Variants in EIF2AK1 observed in about 807,000 individuals in gnomAD.
The protein encoded by EIF2AK1 is eukaryotic translation initiation factor 2-alpha kinase 1.
A neutral mutation model predicts 77.9 loss-of-function variants in EIF2AK1; 54 were observed. The observed-to-expected ratio is 0.69, with a 90% CI of 0.56 to 0.87. The LOEUF (loss-of-function observed/expected upper bound fraction) is 0.87. Ranked by LOEUF, EIF2AK1 falls within the 40% of genes least tolerant of loss-of-function variation. The pLI is 0.00. For missense variants in EIF2AK1, 810 were observed against 768.6 expected (o/e 1.05, Z -0.64); for synonymous variants, 314 against 290.5 (o/e 1.08, Z -0.82).
intron 9 of EIF2AK1, 95 bp downstream of exon 9, chr7:6,040,785 TGAACGCAGGGCA>T (rs1788273559): frequency 1.1e-6 from 1 of 941,226 alleles, no homozygotes; most frequent in Non-Finnish European, 1.6e-6. Context: ...TACAAGAGAC[TGAACGCAGGGCA>T]GAAGCGCCAG....
chr7:6,027,051 G>C lies in EIF2AK1; in HGVS notation c.1531-90C>G. 1 of 1,068,158 alleles carries C rather than the reference G, an allele frequency of 9.4e-7. No individual in the cohort carries two copies. Among genetic ancestry groups the C allele is most frequent in the Non-Finnish European group, 1.4e-6 (1 of 707,980 alleles). 66.2% of individuals were successfully genotyped at this position (1,068,158 alleles called of 1,614,324 possible). A position where few individuals can be genotyped will look rare whatever the true frequency, so the allele number is the denominator to read the frequency against. The stretch of plus-strand genomic sequence containing the variant: ...CGTGTTCCACCCTCCAAACAGGAGA[G>C]GGTTTCTAAGAATGAGGATATACGG... On this transcript the variant is annotated intron_variant, in intron 13 of 14. Transcript: ENST00000199389. The surrounding 1 kb of genome is among the most constrained non-coding windows in gnomAD (Gnocchi z 4.5).
At position 6,058,710 on chromosome 7, in the gene EIF2AK1, G is replaced by A. The variant is rs536240012; in HGVS notation, c.118+256C>T. On this transcript the variant is annotated intron_variant, in intron 1 of 14. Transcript: ENST00000199389. ...TGTCCCCAGCCATCCGAAGGCCTCAGTCCCCAGAGAGGAAACCAAGGAACA... is the reference window on the plus strand; with the variant it reads ...TGTCCCCAGCCATCCGAAGGCCTCAATCCCCAGAGAGGAAACCAAGGAACA... 7.9e-5 allele frequency among the ~76,000 whole-genome samples: 12 copies of A among 152,344 alleles called. No individual in the cohort carries two copies. The South Asian group carries it at 2.3e-3, about 29-fold the overall frequency.
chr7:6,037,486 G>A lies in EIF2AK1; in HGVS notation c.1270C>T (p.Gln424Ter). 1 of 1,611,014 alleles carries A rather than the reference G, an allele frequency of 6.2e-7. No homozygotes were observed. Among genetic ancestry groups the A allele is most frequent in the Non-Finnish European group, 8.5e-7 (1 of 1,178,786 alleles). The change falls in exon 11 of 15, where the codon CAA becomes TAA. Residue 424 changes from glutamine (Q) to a stop codon, truncating the protein, a stop_gained. Coordinates refer to ENST00000199389, the MANE Select transcript of EIF2AK1 (RefSeq NM_014413.4). LOFTEE classifies it high-confidence loss of function. ...VMANVATKIF[Q>*]ELVEGVFYIH... ...TAAAACACACCTTCTACCAATTCTTGAAAAATTTTTGTTGCAACATTGGCC... is the reference window on the plus strand; with the variant it reads ...TAAAACACACCTTCTACCAATTCTTAAAAAATTTTTGTTGCAACATTGGCC...
chr7:6,028,835 C>G (rs1187201797), intron 12 of EIF2AK1, 83 bp downstream of exon 12: 3 of 1,439,812 alleles, frequency 2.1e-6, no homozygotes, highest in Non-Finnish European at 2.9e-6. Flanking sequence ...GCTATTAAAT[C>G]TTTATGATTC....
chr7:6,056,408 G>A (rs574227193), intron 1 of EIF2AK1, among the ~76,000 whole-genome samples: 2 of 148,804 alleles, frequency 1.3e-5, no homozygotes, highest in African/African-American at 5.0e-5. Context: ...GCCTGGCCAA[G>A]ATGGTGAAAC....
chr7:6,022,971 G>C lies in EIF2AK1; in HGVS notation c.*1702C>G, dbSNP rs1446199887. ...GGCGATTATGAGGCCAAGAGCCTGG[G>C]AGATGCAGCTCCTGGGTTTCCAGCC... On this transcript the variant is annotated 3_prime_UTR_variant, in exon 15 of 15. Transcript: ENST00000199389. 1.5e-5 allele frequency: 4 copies of C among 266,392 alleles called. No individual in the cohort carries two copies. Among genetic ancestry groups the C allele is most frequent in the Non-Finnish European group, 2.8e-5 (4 of 140,720 alleles). The allele number at this position is 266,392 out of a possible 1,614,324, so 16.5% of individuals were successfully genotyped here. A position where few individuals can be genotyped will look rare whatever the true frequency, so the allele number is the denominator to read the frequency against.
At position 6,041,039 on chromosome 7, in the gene EIF2AK1, C is replaced by T. The variant is rs549181053; in HGVS notation, c.972G>A (p.Glu324=). ...AACCAGCCAAGCCATTTTCCTGGAG[C>T]TCCAGGGTCGACTCAAGTTCACCAG... ...RESGELESTL[E]LQENGLAGLS... The change falls in exon 9 of 15, where the codon GAG becomes GAA. Residue 324 remains glutamate (E), a synonymous_variant. Coordinates refer to ENST00000199389, the MANE Select transcript of EIF2AK1 (RefSeq NM_014413.4). 1.2e-6 allele frequency: 2 copies of T among 1,614,142 alleles called. No individual in the cohort carries two copies. Among genetic ancestry groups the T allele is most frequent in the Admixed American group, 3.3e-5 (2 of 60,002 alleles).
chr7:6,049,898 T>G lies in EIF2AK1; in HGVS notation c.411+14A>C. The G allele has an allele frequency of 6.2e-7, 1 of 1,600,360 alleles. No individual in the cohort carries two copies. Among genetic ancestry groups the G allele is most frequent in the Non-Finnish European group, 8.5e-7 (1 of 1,176,532 alleles). ...TATTTTTGTCATACCCAAAGTATAT[T>G]TTTTAGGGCTTACCTGACGAACTCT... On this transcript the variant is annotated intron_variant, in intron 3 of 14. Transcript: ENST00000199389.
At chr7:6,049,346 AGCCTG>A (rs1562756509) in intron 3 of EIF2AK1, among the ~76,000 whole-genome samples, 2 of 152,186 alleles carry the variant, frequency 1.3e-5, no homozygotes, top group Non-Finnish European at 2.9e-5. Context: ...GTTCGAGACC[AGCCTG>A]GCCAACATGA....
chr7:6,042,438 G>A (rs1431254930), intron 8 of EIF2AK1, among the ~76,000 whole-genome samples: 1 of 148,014 alleles, frequency 6.8e-6, no homozygotes, highest in African/African-American at 2.5e-5. Context: ...GCGACAGAGC[G>A]AGACTCCATC....
intron 11 of EIF2AK1, chr7:6,031,477 A>C: frequency 6.4e-7 from 1 of 1,550,742 alleles, no homozygotes; most frequent in Non-Finnish European, 8.7e-7. Context: ...AACTCTATGA[A>C]GCCATCATGA....
intron 9 of EIF2AK1, 84 bp from the exon 10 acceptor site, chr7:6,038,755 T>C: frequency 8.5e-7 from 1 of 1,177,012 alleles, no homozygotes; most frequent in Middle Eastern, 2.0e-4. Flanking sequence ...AATCTGCCTA[T>C]TCTGGGCCAA....
At chr7:6,055,066 G>A (rs1351636434) in intron 1 of EIF2AK1, among the ~76,000 whole-genome samples, 2 of 152,116 alleles carry the variant, frequency 1.3e-5, no homozygotes, top group African/African-American at 4.8e-5. Context: ...AGGATGGCCG[G>A]GCGCGGTTGT....
chr7:6,048,858 A>ATTGTT lies in EIF2AK1; in HGVS notation c.412-19_412-15dup. The ATTGTT allele has an allele frequency of 6.4e-7, 1 of 1,569,542 alleles. No individual in the cohort carries two copies. Among genetic ancestry groups the ATTGTT allele is most frequent in the South Asian group, 1.2e-5 (1 of 81,608 alleles). ...CTCACAAGGATCCTACAATTAAAAAATTGTTTTTAAAAAGCATTTTGAAAA... is the reference window on the plus strand; with the variant it reads ...CTCACAAGGATCCTACAATTAAAAAATTGTTTTGTTTTTAAAAAGCATTTTGAAAA... On this transcript the variant is annotated splice_polypyrimidine_tract_variant and intron_variant, in intron 3 of 14. Coordinates refer to ENST00000199389, the MANE Select transcript of EIF2AK1 (RefSeq NM_014413.4).
At chr7:6,056,613 A>ATAT (rs1554324681) in intron 1 of EIF2AK1, among the ~76,000 whole-genome samples, 6 of 43,730 alleles carry the variant, frequency 1.4e-4, no homozygotes, top group Non-Finnish European at 2.4e-4. Flanking sequence ...AAAAAAAAAA[A>ATAT]ATATATATAT....
rs758885310 is a variant in EIF2AK1 at position 6,023,585 on chromosome 7, A to T, written c.*1088T>A. On this transcript the variant is annotated 3_prime_UTR_variant, in exon 15 of 15. Transcript: ENST00000199389. ...GACGTGGTGCTGTGGTCTGTACTCCAGCAGATCGGAGGCTGCAGTGTGACA... is the reference window on the plus strand; with the variant it reads ...GACGTGGTGCTGTGGTCTGTACTCCTGCAGATCGGAGGCTGCAGTGTGACA... 9.3e-6 allele frequency: 15 copies of T among 1,614,234 alleles called. No homozygotes were observed. The East Asian group carries it at 3.3e-4, about 36-fold the overall frequency.
At chr7:6,051,810 A>G (rs911046293) in intron 2 of EIF2AK1, among the ~76,000 whole-genome samples, 38 of 151,732 alleles carry the variant, frequency 2.5e-4, no homozygotes, top group African/African-American at 9.0e-4. Context: ...GAAATAGAAA[A>G]CTCTCCATTT....
At position 6,024,014 on chromosome 7, in the gene EIF2AK1, A is replaced by C. The variant is rs1264329425; in HGVS notation, c.*659T>G. 1.1e-5 allele frequency: 15 copies of C among 1,329,024 alleles called. No homozygotes were observed. Among genetic ancestry groups the C allele is most frequent in the African/African-American group, 4.4e-5 (3 of 67,572 alleles). 82.3% of individuals were successfully genotyped at this position (1,329,024 alleles called of 1,614,324 possible). A position where few individuals can be genotyped will look rare whatever the true frequency, so the allele number is the denominator to read the frequency against. On this transcript the variant is annotated 3_prime_UTR_variant, in exon 15 of 15. Coordinates refer to ENST00000199389, the MANE Select transcript of EIF2AK1 (RefSeq NM_014413.4). ...AATAAAGGAGGAAGTACCGGGGAAC[A>C]GTGCAGGGCAAAGGCAGGAAAGAGA...
At chr7:6,053,438 T>C (rs1788662549) in intron 2 of EIF2AK1, among the ~76,000 whole-genome samples, 1 of 152,176 alleles carries the variant, frequency 6.6e-6, no homozygotes, top group Non-Finnish European at 1.5e-5. Flanking sequence ...CTCAGCTCAC[T>C]GCAACCTCCG....
Sources: allele counts gnomAD v4.1 joint callset (sites outside exome capture counted in the v4.1 genomes callset), GRCh38; gene constraint gnomAD v4.1.1; non-coding constraint Gnocchi (gnomAD v3.1); transcripts MANE v1.5; gene names NCBI Gene and HGNC (gene_info 2026-07-23, HGNC 2026-07-21).